Variants in PLCG2 observed in about 807,000 individuals in gnomAD.
PLCG2 encodes phospholipase C gamma 2.
A neutral mutation model predicts 175.6 loss-of-function variants in PLCG2; 69 were observed. The ratio of observed to expected loss-of-function variants is 0.39; its 90% CI spans 0.32 to 0.48. The LOEUF (loss-of-function observed/expected upper bound fraction) is 0.48, where lower values mean the gene tolerates loss of function less well. Among genes scored for constraint, PLCG2 ranks in the 20% least tolerant of loss-of-function variants. The probability of loss-of-function intolerance (pLI) is 0.91; values close to 1 mark genes in which losing one functional copy is unlikely to be tolerated. For synonymous variants in PLCG2, 827 were observed against 624.0 expected (o/e 1.33, Z -4.85); for missense variants, 1,798 against 1,650.9 (o/e 1.09, Z -1.54).
At chr16:81,897,619 C>A (rs1455788812) in intron 13 of PLCG2, among the ~76,000 whole-genome samples, 1 of 146,982 alleles carries the variant, frequency 6.8e-6, no homozygotes, top group African/African-American at 2.5e-5. Flanking sequence ...GATCTCGGCT[C>A]ACTGCAACCT....
At chr16:81,827,354 T>G (rs1223528605) in intron 2 of PLCG2, among the ~76,000 whole-genome samples, 1 of 151,978 alleles carries the variant, frequency 6.6e-6, no homozygotes, top group Non-Finnish European at 1.5e-5. Context: ...CAGCTATTTT[T>G]TGTATTTTTT....
At chr16:81,923,395 T>C (rs1188194247) in intron 21 of PLCG2, 90 bp from the exon 22 acceptor site, 3 of 729,430 alleles carry the variant, frequency 4.1e-6, no homozygotes, top group Non-Finnish European at 7.1e-6. Flanking sequence ...TGCTCCCCAA[T>C]GAGAAGAACC....
At chr16:81,894,672 A>T (rs1908797763) in intron 12 of PLCG2, among the ~76,000 whole-genome samples, 1 of 152,162 alleles carries the variant, frequency 6.6e-6, no homozygotes, top group Non-Finnish European at 1.5e-5. Flanking sequence ...CAGGAGCTTG[A>T]GATCAGTCTG....
chr16:81,835,550 G>T (rs780026370), intron 2 of PLCG2, among the ~76,000 whole-genome samples: 1 of 151,974 alleles, frequency 6.6e-6, no homozygotes, highest in Admixed American at 6.6e-5. Context: ...TTGCTCTCTA[G>T]CCTGGGCGAC....
At chr16:81,935,956 G>T (rs1910693425) in intron 26 of PLCG2, 1 of 985,132 alleles carries the variant, frequency 1.0e-6, no homozygotes, top group Non-Finnish European at 1.2e-6. Context: ...AAGGTGGTGG[G>T]AAAACTAGGC....
chr16:81,931,508 C>A lies in PLCG2; in HGVS notation c.2593C>A (p.Gln865Lys). ...LNTYNVVKAP[Q>K]GKNQKSFVFI... ...TCTCTTACCCCAAGTGAAAGCCCCT[C>A]AGGGAAAAAACCAGAAGTCCTTTGT... Residue 865 changes from glutamine to lysine, a missense_variant, in exon 25 of 33, where the codon CAG becomes AAG. By Grantham distance (53) the Gln-to-Lys change is moderately conservative (BLOSUM62 1). Coordinates refer to ENST00000564138, the MANE Select transcript of PLCG2 (RefSeq NM_002661.5). The A allele has an allele frequency of 6.2e-7, 1 of 1,613,960 alleles. No individual in the cohort carries two copies. The highest frequency in any genetic ancestry group is 1.3e-5 in the African/African-American group (1 of 75,018).
chr16:81,754,972 C>G (rs574443766), intron 1 of PLCG2, among the ~76,000 whole-genome samples: 1 of 152,122 alleles, frequency 6.6e-6, no homozygotes, highest in African/African-American at 2.4e-5. Flanking sequence ...AGAGGAAGAA[C>G]CAGCTGTGTG....
At chr16:81,830,693 TTATA>T (rs1905226315) in intron 2 of PLCG2, among the ~76,000 whole-genome samples, 1 of 151,764 alleles carries the variant, frequency 6.6e-6, no homozygotes, top group African/African-American at 2.4e-5. Flanking sequence ...CACATATATT[TTATA>T]TATGTATATA....
chr16:81,884,872 T>C (rs927436654), intron 9 of PLCG2, among the ~76,000 whole-genome samples: 1 of 152,072 alleles, frequency 6.6e-6, no homozygotes, highest in Non-Finnish European at 1.5e-5. Flanking sequence ...GATTAAAAAT[T>C]ACGAGCATTT....
At chr16:81,820,590 G>T (rs184696091) in intron 2 of PLCG2, among the ~76,000 whole-genome samples, 3 of 150,524 alleles carry the variant, frequency 2.0e-5, no homozygotes, top group Non-Finnish European at 4.4e-5. Flanking sequence ...GGGCATATCA[G>T]TTTTCCCCTC....
Position 81,819,399 on chromosome 16 carries a change from C to T in PLCG2, c.193+33217C>T, listed in dbSNP as rs532188365. Among the ~76,000 whole-genome samples the T allele has an allele frequency of 6.6e-5, 10 of 152,236 alleles. No homozygotes were observed. The East Asian group carries it at 1.9e-3, about 29-fold the overall frequency. ...GTGAGGCGAGGGAGCTCCTGCGAAT[C>T]CCCTTGTGCAGCCAGGCTTGGAGAA... On this transcript the variant is annotated intron_variant, in intron 2 of 32. Coordinates refer to ENST00000564138, the MANE Select transcript of PLCG2 (RefSeq NM_002661.5).
chr16:81,766,879 C>T (rs1451541523), intron 2 of PLCG2: 4 of 152,288 alleles, frequency 2.6e-5, no homozygotes, highest in Admixed American at 2.6e-4. Context: ...CACCTCCCTA[C>T]AGCCCACAGA....
intron 18 of PLCG2, among the ~76,000 whole-genome samples, chr16:81,911,085 T>C (rs1315425705): frequency 6.6e-6 from 1 of 152,166 alleles, no homozygotes; most frequent in African/African-American, 2.4e-5. Context: ...TATAAGAGTC[T>C]CCCGCTGATT....
At chr16:81,851,929 C>G (rs28605963) in intron 2 of PLCG2, 50,616 of 152,398 alleles carry the variant, frequency 0.33, 9,081 homozygotes, top group East Asian at 0.55. Context: ...ATTGTCTGCT[C>G]TCCTCCTCTA....
In PLCG2 at chr16:81,764,832, G is replaced by A. The variant is rs147139203; in HGVS notation, c.-48+8866G>A. ...AGGCTGGGTGTGGTGGTTCAATCCC[G>A]TAATCCCAGTACTTTGGGAGGCCTA... On this transcript the variant is annotated intron_variant, in intron 2 of 5. Transcript: ENST00000565054. 3.6e-3 allele frequency among the ~76,000 whole-genome samples: 541 copies of A among 152,244 alleles called. 3 individuals are homozygous for A. Among genetic ancestry groups the A allele is most frequent in the African/African-American group, 0.011 (473 of 41,544 alleles).
At chr16:81,942,962 A>G (rs933544500) in intron 30 of PLCG2, among the ~76,000 whole-genome samples, 3 of 152,064 alleles carry the variant, frequency 2.0e-5, no homozygotes, top group African/African-American at 7.2e-5. Flanking sequence ...GTGCATAAAA[A>G]TGGGACTTGG....
intron 12 of PLCG2, among the ~76,000 whole-genome samples, chr16:81,894,248 G>T (rs1480376592): frequency 1.3e-5 from 2 of 152,082 alleles, no homozygotes; most frequent in African/African-American, 4.8e-5. Flanking sequence ...GGGCGACATG[G>T]TGAGATCGTA....
chr16:81,873,232 A>T (rs974829533), intron 7 of PLCG2, among the ~76,000 whole-genome samples: 1 of 152,230 alleles, frequency 6.6e-6, no homozygotes, highest in Non-Finnish European at 1.5e-5. Context: ...CTTTTCTATA[A>T]AATGAAGGTA....
chr16:81,821,006 C>T (rs919561338), intron 2 of PLCG2, among the ~76,000 whole-genome samples: 1 of 151,394 alleles, frequency 6.6e-6, no homozygotes, highest in African/African-American at 2.4e-5. Context: ...ATCCGCCCAC[C>T]TCAGCCTCCT....
Sources: gnomAD v4.1 joint callset for allele counts (sites outside exome capture counted in the v4.1 genomes callset) on GRCh38, gnomAD v4.1.1 for gene constraint, MANE v1.5 for transcripts, NCBI Gene and HGNC (gene_info 2026-07-23, HGNC 2026-07-21) for gene names.